Variants in CNTNAP2 observed in about 807,000 individuals in gnomAD.
CNTNAP2 encodes contactin associated protein 2, also known as contactin-associated protein-like 2.
Under a neutral mutation model 155.2 loss-of-function variants are expected in CNTNAP2, and 98 were observed. The ratio of observed to expected loss-of-function variants is 0.63; its 90% CI spans 0.54 to 0.75. The LOEUF (loss-of-function observed/expected upper bound fraction) is 0.75, where lower values mean the gene tolerates loss of function less well. Ranked by LOEUF, CNTNAP2 falls within the 30% of genes least tolerant of loss-of-function variation. CNTNAP2 has a pLI of 0.00. For missense variants in CNTNAP2, 1,727 were observed against 1,688.1 expected, an observed-to-expected ratio of 1.02 and a Z score of -0.40; for synonymous variants, 651 against 631.2, an observed-to-expected ratio of 1.03 and a Z score of -0.47.
At chr7:146,915,881 A>C (rs895572772) in intron 3 of CNTNAP2, 12 of 152,134 alleles carry the variant, frequency 7.9e-5, no homozygotes, top group Admixed American at 3.3e-4. Flanking sequence ...GAAAGTGGGC[A>C]TCCTTGCCTT....
chr7:147,484,471 A>G (rs529650650), intron 10 of CNTNAP2, among the ~76,000 whole-genome samples: 28 of 152,304 alleles, frequency 1.8e-4, no homozygotes, highest in Admixed American at 1.2e-3. Flanking sequence ...TGTAGTTTTC[A>G]TACATACTGT....
chr7:146,632,302 C>A (rs1337982035), intron 1 of CNTNAP2, among the ~76,000 whole-genome samples: 1 of 152,066 alleles, frequency 6.6e-6, no homozygotes, highest in Non-Finnish European at 1.5e-5. Context: ...ATTTTCATTT[C>A]ATGTGAATAT....
chr7:147,214,186 T>C (rs1803217402), intron 8 of CNTNAP2, among the ~76,000 whole-genome samples: 1 of 152,178 alleles, frequency 6.6e-6, no homozygotes, highest in Admixed American at 6.5e-5. Flanking sequence ...CCCACTCACA[T>C]AAAAACACCA....
At chr7:147,633,885 A>G (rs1307871986) in intron 12 of CNTNAP2, among the ~76,000 whole-genome samples, 1 of 152,188 alleles carries the variant, frequency 6.6e-6, no homozygotes, top group Non-Finnish European at 1.5e-5. Context: ...ATTTATTCAT[A>G]GCAACATGAG....
chr7:146,390,610 T>C (rs1022854129), intron 1 of CNTNAP2, among the ~76,000 whole-genome samples: 2 of 149,892 alleles, frequency 1.3e-5, no homozygotes, highest in Non-Finnish European at 3.0e-5. Context: ...GAAATAAAAA[T>C]ATATATTTTT....
intron 10 of CNTNAP2, among the ~76,000 whole-genome samples, chr7:147,414,674 G>A (rs1026022109): frequency 6.6e-6 from 1 of 151,908 alleles, no homozygotes; most frequent in Non-Finnish European, 1.5e-5. Context: ...AGGTGCGGTG[G>A]CTCACGCCTG....
At chr7:146,354,411 A>ATTTTTTTTTTTTTTTTTTTTTTTTT (rs10641636) in intron 1 of CNTNAP2, among the ~76,000 whole-genome samples, 1 of 135,346 alleles carries the variant, frequency 7.4e-6, no homozygotes. Context: ...TCTTGTTAGT[A>ATTTTTTTTTTTTTTTTTTTTTTTTT]TTTTTTTTTT....
chr7:146,710,650 G>C lies in CNTNAP2; in HGVS notation c.98-63621G>C, dbSNP rs1801048286. Among the ~76,000 whole-genome samples, 4 of 152,198 alleles carry C rather than the reference G, an allele frequency of 2.6e-5. No individual in the cohort carries two copies. In the South Asian group the frequency reaches 8.3e-4, roughly 32 times the overall value. ...CCTTCCTCACCACTAATGCACTTCT[G>C]ATTTTTTTCCTCTGTTCTCCTCTCT... On this transcript the variant is annotated intron_variant, in intron 1 of 23. Transcript: ENST00000361727.
intron 13 of CNTNAP2, among the ~76,000 whole-genome samples, chr7:147,898,470 T>C (rs2116742190): frequency 6.6e-6 from 1 of 152,298 alleles, no homozygotes; most frequent in South Asian, 2.1e-4. Flanking sequence ...ACACTTAACA[T>C]CCCAAGAGGG....
chr7:147,622,862 A>C (rs1213596502), intron 12 of CNTNAP2, among the ~76,000 whole-genome samples: 4 of 152,058 alleles, frequency 2.6e-5, no homozygotes, highest in Non-Finnish European at 4.4e-5. Context: ...AGTTAAACAC[A>C]GTTGACAAGC....
chr7:147,635,324 G>T (rs1405545502), intron 12 of CNTNAP2, among the ~76,000 whole-genome samples: 1 of 151,418 alleles, frequency 6.6e-6, no homozygotes, highest in African/African-American at 2.4e-5. Context: ...GGGTCTTGCT[G>T]TGTTGCCCAG....
intron 14 of CNTNAP2, among the ~76,000 whole-genome samples, chr7:147,960,408 A>C (rs908783697): frequency 3.3e-5 from 5 of 152,192 alleles, no homozygotes; most frequent in African/African-American, 1.2e-4. Context: ...TTAACCAATG[A>C]GGTGGTACTG....
intron 1 of CNTNAP2, among the ~76,000 whole-genome samples, chr7:146,239,090 T>C (rs1447200143): frequency 4.6e-5 from 7 of 152,206 alleles, no homozygotes; most frequent in African/African-American, 1.7e-4. Flanking sequence ...GGTAGATATG[T>C]GTTTGGAACA....
chr7:146,458,115 A>G (rs903041510), intron 1 of CNTNAP2, among the ~76,000 whole-genome samples: 2 of 152,044 alleles, frequency 1.3e-5, no homozygotes, highest in Non-Finnish European at 2.9e-5. Context: ...GAACACATGG[A>G]GGGGAACAAC....
chr7:147,371,605 G>A (rs1796338711), intron 9 of CNTNAP2, among the ~76,000 whole-genome samples: 1 of 151,976 alleles, frequency 6.6e-6, no homozygotes, highest in Non-Finnish European at 1.5e-5. Flanking sequence ...TTGTAGTGTT[G>A]CAGAGGCTGT....
At chr7:146,842,551 C>G (rs1439170926) in intron 3 of CNTNAP2, among the ~76,000 whole-genome samples, 2 of 152,112 alleles carry the variant, frequency 1.3e-5, no homozygotes, top group African/African-American at 2.4e-5. Flanking sequence ...TTGATTGACT[C>G]ACGTTTCCAC....
At chr7:147,347,456 GCATATATATATATATATATGCATA>G (rs1795891362) in intron 9 of CNTNAP2, among the ~76,000 whole-genome samples, 1 of 46,310 alleles carries the variant, frequency 2.2e-5, no homozygotes, top group Non-Finnish European at 4.6e-5. Context: ...ATATATATAT[GCATATATATATATATATATGCATA>G]TATATATATA....
chr7:147,482,772 G>C (rs1798445628), intron 10 of CNTNAP2, among the ~76,000 whole-genome samples: 1 of 151,202 alleles, frequency 6.6e-6, no homozygotes, highest in Non-Finnish European at 1.5e-5. Flanking sequence ...TCGGCCGGGG[G>C]CTGTGGCTCA....
At chr7:147,090,754 A>T (rs1019472926) in intron 4 of CNTNAP2, among the ~76,000 whole-genome samples, 1 of 152,134 alleles carries the variant, frequency 6.6e-6, no homozygotes, top group African/African-American at 2.4e-5. Context: ...TGTGGTTTTT[A>T]GGATGTAATA....
Sources: allele counts gnomAD v4.1 joint callset (sites outside exome capture counted in the v4.1 genomes callset), GRCh38; gene constraint gnomAD v4.1.1; transcripts MANE v1.5; gene names NCBI Gene and HGNC (gene_info 2026-07-23, HGNC 2026-07-21).